The following MAPKAP1 variants were observed in gnomAD, a reference collection of about 807,000 sequenced individuals.
MAPKAP1 encodes the protein target of rapamycin complex 2 subunit MAPKAP1.
A neutral mutation model predicts 65.7 loss-of-function variants in MAPKAP1; 20 were observed. The observed-to-expected ratio is 0.30, with a 90% CI of 0.21 to 0.44. The LOEUF is 0.44. Among genes scored for constraint, MAPKAP1 ranks in the 20% least tolerant of loss-of-function variants. The pLI, the probability that MAPKAP1 is intolerant of heterozygous loss-of-function variation, is 1.00. For synonymous variants in MAPKAP1, 222 were observed against 244.3 expected (o/e 0.91, Z 0.85); for missense variants, 423 against 648.0 (o/e 0.65, Z 3.77).
intron 9 of MAPKAP1, chr9:125,471,094 T>C (rs898965689): frequency 6.6e-6 from 1 of 152,220 alleles, no homozygotes; most frequent in Non-Finnish European, 1.5e-5. Context: ...CTCTTAACAC[T>C]TGTGTGAGTC....
intron 2 of MAPKAP1, among the ~76,000 whole-genome samples, chr9:125,671,281 C>T (rs901576886): frequency 6.6e-6 from 1 of 152,190 alleles, no homozygotes; most frequent in African/African-American, 2.4e-5. Context: ...TTATTTTCAT[C>T]ATGAGAGCAA....
intron 5 of MAPKAP1, among the ~76,000 whole-genome samples, chr9:125,563,666 T>A (rs1193848193): frequency 6.6e-6 from 1 of 152,080 alleles, no homozygotes; most frequent in African/African-American, 2.4e-5. Flanking sequence ...AAGATATGAA[T>A]GTGTAGACTC....
At chr9:125,699,503 A>G (rs1188040026) in intron 1 of MAPKAP1, among the ~76,000 whole-genome samples, 1 of 152,036 alleles carries the variant, frequency 6.6e-6, no homozygotes, top group Non-Finnish European at 1.5e-5. Flanking sequence ...TCACCCAGCC[A>G]GTATTTTTAA....
At chr9:125,580,021 T>C (rs548601786) in intron 5 of MAPKAP1, among the ~76,000 whole-genome samples, 7 of 152,302 alleles carry the variant, frequency 4.6e-5, no homozygotes, top group Non-Finnish European at 1.0e-4. Flanking sequence ...AGACTAGACT[T>C]TATTCATGAA....
chr9:125,482,890 C>T (rs934877986), intron 9 of MAPKAP1, among the ~76,000 whole-genome samples: 1 of 152,168 alleles, frequency 6.6e-6, no homozygotes, highest in Non-Finnish European at 1.5e-5. Flanking sequence ...TAGGCACTTG[C>T]TAGAGGCCAG....
intron 1 of MAPKAP1, among the ~76,000 whole-genome samples, chr9:125,693,631 A>G (rs1004652889): frequency 1.7e-4 from 25 of 145,790 alleles, no homozygotes; most frequent in South Asian, 4.3e-4. Flanking sequence ...ATATATACAC[A>G]TATACACACA....
chr9:125,614,107 C>G (rs1034458415), intron 4 of MAPKAP1, among the ~76,000 whole-genome samples: 1 of 152,092 alleles, frequency 6.6e-6, no homozygotes, highest in African/African-American at 2.4e-5. Context: ...CAAAAAAGAG[C>G]AATTTCTAAA....
intron 4 of MAPKAP1, among the ~76,000 whole-genome samples, chr9:125,625,239 A>AAAAATAAAT (rs1554833050): frequency 1.9e-4 from 11 of 57,738 alleles, no homozygotes; most frequent in African/African-American, 2.3e-4. Flanking sequence ...TTATCAATAA[A>AAAAATAAAT]AAAAAAATAA....
At chr9:125,614,034 G>A (rs1041156626) in intron 4 of MAPKAP1, among the ~76,000 whole-genome samples, 3 of 151,894 alleles carry the variant, frequency 2.0e-5, no homozygotes, top group Non-Finnish European at 2.9e-5. Context: ...TCCTGACCTC[G>A]TGATCCACCC....
chr9:125,516,009 GA>G (rs1829450490), intron 7 of MAPKAP1, among the ~76,000 whole-genome samples: 1 of 152,034 alleles, frequency 6.6e-6, no homozygotes, highest in African/African-American at 2.4e-5. Flanking sequence ...CAAATATAAA[GA>G]AAAAAGATAT....
In MAPKAP1 at chr9:125,600,021, C is replaced by T. The variant is rs1832256032; in HGVS notation, c.499-14294G>A. ...GTTTTCTCTACTTAAAACAAACCCT[C>T]TATATTTTGATGCTCTGACATTTTT... On this transcript the variant is annotated intron_variant, in intron 4 of 11. Coordinates refer to ENST00000265960, the MANE Select transcript of MAPKAP1 (RefSeq NM_001006617.3). 1.3e-5 allele frequency: 2 copies of T among 152,152 alleles called. 1 individual carries two copies. Among genetic ancestry groups the T allele is most frequent in the South Asian group, 4.1e-4 (2 of 4,826 alleles). The allele number at this position is 152,152 out of a possible 1,614,324, so 9.4% of individuals were successfully genotyped here. A position where few individuals can be genotyped will look rare whatever the true frequency, so the allele number is the denominator to read the frequency against.
At chr9:125,543,247 C>G in intron 6 of MAPKAP1, 79 bp from the exon 7 acceptor site, 1 of 1,076,044 alleles carries the variant, frequency 9.3e-7, no homozygotes, top group Non-Finnish European at 1.4e-6. Flanking sequence ...TGTGTTTAAG[C>G]AAGTTTTTTT....
Position 125,635,398 on chromosome 9 carries a change from A to G in MAPKAP1, c.498+22253T>C, listed in dbSNP as rs574831007. 2.6e-5 allele frequency among the ~76,000 whole-genome samples: 4 copies of G among 152,278 alleles called. No homozygotes were observed. The South Asian group carries it at 8.3e-4, about 32-fold the overall frequency. On this transcript the variant is annotated intron_variant, in intron 4 of 11. Transcript: ENST00000265960. ...TTCCCAAACCATCTTTTTCTTTCTT[A>G]GCTCCCCAGCTGCTGCTCAATTAAA...
chr9:125,612,409 T>C (rs535632728), intron 4 of MAPKAP1, among the ~76,000 whole-genome samples: 13 of 152,332 alleles, frequency 8.5e-5, no homozygotes, highest in Middle Eastern at 3.4e-3. Context: ...CTTTTAGTTT[T>C]TTTTTAAATT....
chr9:125,442,659 C>T (rs895457101), intron 11 of MAPKAP1, among the ~76,000 whole-genome samples: 3 of 152,164 alleles, frequency 2.0e-5, no homozygotes, highest in South Asian at 4.1e-4. Flanking sequence ...ACTCGAAGCT[C>T]GCTGGCTGCA....
chr9:125,673,505 C>T (rs1588060764), intron 1 of MAPKAP1, among the ~76,000 whole-genome samples: 1 of 152,196 alleles, frequency 6.6e-6, no homozygotes, highest in Middle Eastern at 3.4e-3. Flanking sequence ...TGATTACAGG[C>T]GTGAGCCACC....
At chr9:125,500,631 A>C (rs1314818875) in intron 8 of MAPKAP1, among the ~76,000 whole-genome samples, 1 of 152,258 alleles carries the variant, frequency 6.6e-6, no homozygotes, top group East Asian at 1.9e-4. Flanking sequence ...CTGGAAAGAT[A>C]TGGAAGAAAC....
At chr9:125,541,005 C>T (rs1049415710) in intron 7 of MAPKAP1, among the ~76,000 whole-genome samples, 1 of 152,180 alleles carries the variant, frequency 6.6e-6, no homozygotes, top group Non-Finnish European at 1.5e-5. Flanking sequence ...ATTAAAGCTA[C>T]AGAAAGAGCT....
intron 1 of MAPKAP1, among the ~76,000 whole-genome samples, chr9:125,679,226 T>G (rs1834747846): frequency 6.6e-6 from 1 of 152,108 alleles, no homozygotes; most frequent in African/African-American, 2.4e-5. Flanking sequence ...GGTCTCGAAC[T>G]CCTAACCTCA....
Sources: allele counts gnomAD v4.1 joint callset (sites outside exome capture counted in the v4.1 genomes callset), GRCh38; gene constraint gnomAD v4.1.1; transcripts MANE v1.5; gene names NCBI Gene and HGNC (gene_info 2026-07-23, HGNC 2026-07-21).